The following SHROOM3 variants were observed in gnomAD, a reference collection of about 807,000 sequenced individuals.
SHROOM3 encodes protein Shroom3.
SHROOM3 carries 47 observed loss-of-function variants against 138.6 expected under a neutral mutation model. The observed-to-expected ratio is 0.34, with a 90% confidence interval of 0.27 to 0.43. The LOEUF is 0.43. Ranked by LOEUF, SHROOM3 falls within the 20% of genes least tolerant of loss-of-function variation. SHROOM3 has a pLI of 1.00. For missense variants in SHROOM3, 2,491 were observed against 2,596.5 expected (o/e 0.96, Z 0.88); for synonymous variants, 1,062 against 1,063.3 (o/e 1.00, Z 0.02).
chr4:76,525,984 T>G (rs1732680452), intron 1 of SHROOM3, among the ~76,000 whole-genome samples: 1 of 151,464 alleles, frequency 6.6e-6, no homozygotes, highest in African/African-American at 2.5e-5. Flanking sequence ...CCTCATACTT[T>G]GCTATTGCAC....
intron 9 of SHROOM3, among the ~76,000 whole-genome samples, chr4:76,766,953 C>T (rs1722177317): frequency 6.6e-6 from 1 of 152,166 alleles, no homozygotes; most frequent in Non-Finnish European, 1.5e-5. Context: ...ACAGAAGCCT[C>T]CCTGCATCAC....
intron 2 of SHROOM3, among the ~76,000 whole-genome samples, chr4:76,588,149 A>C (rs940562410): frequency 6.6e-6 from 1 of 152,210 alleles, no homozygotes; most frequent in African/African-American, 2.4e-5. Context: ...AAAAGTAAAC[A>C]AAGTCACAAA....
At chr4:76,571,329 T>C (rs562575299) in intron 2 of SHROOM3, among the ~76,000 whole-genome samples, 1 of 152,224 alleles carries the variant, frequency 6.6e-6, no homozygotes, top group Non-Finnish European at 1.5e-5. Context: ...TTTTCAGTGA[T>C]TGCTGAAATC....
At chr4:76,620,304 T>C (rs1280508921) in intron 2 of SHROOM3, among the ~76,000 whole-genome samples, 2 of 151,858 alleles carry the variant, frequency 1.3e-5, no homozygotes, top group African/African-American at 2.4e-5. Flanking sequence ...CAACAGGCAG[T>C]TGGAAATGTA....
chr4:76,555,132 G>T (rs1471265955), intron 1 of SHROOM3, among the ~76,000 whole-genome samples: 1 of 151,912 alleles, frequency 6.6e-6, no homozygotes, highest in Admixed American at 6.6e-5. Context: ...ATAATAAAGT[G>T]CACAATAAAT....
chr4:76,652,755 C>CTT (rs1735986903), intron 2 of SHROOM3, among the ~76,000 whole-genome samples: 1 of 149,896 alleles, frequency 6.7e-6, no homozygotes, highest in Admixed American at 6.6e-5. Flanking sequence ...GAGTCTCCCT[C>CTT]TCTCTCTCTC....
intron 2 of SHROOM3, chr4:76,639,522 C>T: frequency 2.5e-6 from 1 of 398,574 alleles, no homozygotes; most frequent in South Asian, 1.3e-4. Flanking sequence ...CTGGGCTGCC[C>T]TCCTCTCCCA....
intron 5 of SHROOM3, 152 bp from the exon 6 acceptor site, chr4:76,748,865 T>C: frequency 1.6e-6 from 1 of 640,366 alleles, no homozygotes. Flanking sequence ...CCTGCATCGA[T>C]GCCATGGGAT....
intron 1 of SHROOM3, among the ~76,000 whole-genome samples, chr4:76,540,954 T>C (rs1733085205): frequency 6.6e-6 from 1 of 152,230 alleles, no homozygotes; most frequent in Non-Finnish European, 1.5e-5. Flanking sequence ...CTATTCTATT[T>C]GAATTGGCAA....
At chr4:76,730,983 A>T (rs372574911) in intron 4 of SHROOM3, 48 bp downstream of exon 4, 2 of 1,609,434 alleles carry the variant, frequency 1.2e-6, no homozygotes, top group African/African-American at 2.7e-5. Context: ...TTCTAATGTC[A>T]TGTTCCCAGA....
chr4:76,493,224 CA>C (rs35837765), intron 1 of SHROOM3, among the ~76,000 whole-genome samples: 4,190 of 56,466 alleles, frequency 0.074, 89 homozygotes, highest in African/African-American at 0.2. Context: ...AACTCCATCT[CA>C]AAAAAAAAAA....
chr4:76,674,814 C>T (rs1390396385), intron 2 of SHROOM3, among the ~76,000 whole-genome samples: 1 of 152,066 alleles, frequency 6.6e-6, no homozygotes, highest in African/African-American at 2.4e-5. Context: ...CTCGGCCTCC[C>T]AAAGTGCTGG....
intron 3 of SHROOM3, chr4:76,716,537 G>A (rs988452167): frequency 5.9e-5 from 25 of 421,642 alleles, no homozygotes; most frequent in Middle Eastern, 3.6e-4. Flanking sequence ...ATAACCAACT[G>A]CCTGTTAGGT....
chr4:76,546,583 T>C (rs1027600965), intron 1 of SHROOM3, among the ~76,000 whole-genome samples: 1 of 152,222 alleles, frequency 6.6e-6, no homozygotes, highest in Non-Finnish European at 1.5e-5. Context: ...CACTGGGTTG[T>C]GAGTAATGAC....
At chr4:76,622,176 C>A (rs531698128) in intron 2 of SHROOM3, among the ~76,000 whole-genome samples, 1 of 152,010 alleles carries the variant, frequency 6.6e-6, no homozygotes, top group Admixed American at 6.5e-5. Context: ...TAGACCTAGT[C>A]GTGCTAGGGG....
intron 2 of SHROOM3, among the ~76,000 whole-genome samples, chr4:76,647,024 C>T (rs201376667): frequency 2.6e-5 from 4 of 152,008 alleles, no homozygotes; most frequent in South Asian, 4.1e-4. Flanking sequence ...TGTTCATCAG[C>T]GGGCAAAAGG....
chr4:76,676,890 C>G (rs1033953801), intron 2 of SHROOM3, among the ~76,000 whole-genome samples: 5 of 136,304 alleles, frequency 3.7e-5, no homozygotes, highest in Non-Finnish European at 7.5e-5. Flanking sequence ...TTGCAGTGAG[C>G]AGAGATGGCG....
At chr4:76,557,316 T>G (rs1338101702) in intron 2 of SHROOM3, among the ~76,000 whole-genome samples, 1 of 151,404 alleles carries the variant, frequency 6.6e-6, no homozygotes. Flanking sequence ...TTTGCAGCAA[T>G]GTAGATGAAC....
intron 2 of SHROOM3, among the ~76,000 whole-genome samples, chr4:76,659,156 C>G (rs1736130419): frequency 6.6e-6 from 1 of 152,112 alleles, no homozygotes; most frequent in Non-Finnish European, 1.5e-5. Flanking sequence ...TCATTGGAAC[C>G]CTCATTGTGA....
Sources: allele counts gnomAD v4.1 joint callset (sites outside exome capture counted in the v4.1 genomes callset), GRCh38; gene constraint gnomAD v4.1.1; transcripts MANE v1.5; gene names NCBI Gene and HGNC (gene_info 2026-07-23, HGNC 2026-07-21).